TENM1: variants seen among roughly 807,000 people sequenced by gnomAD.
TENM1 encodes the protein teneurin transmembrane protein 1, also known as teneurin-1.
In TENM1, 35 loss-of-function variants were observed where a neutral mutation model predicts 174.8. The observed-to-expected ratio is 0.20, with a 90% confidence interval of 0.15 to 0.27. The LOEUF (loss-of-function observed/expected upper bound fraction) is 0.27, where lower values mean the gene tolerates loss of function less well. TENM1 is among the 10% of genes least tolerant of loss of function. The pLI, the probability that TENM1 is intolerant of heterozygous loss-of-function variation, is 1.00. For missense variants in TENM1, 1,633 were observed against 2,130.1 expected (o/e 0.77, Z 4.59); for synonymous variants, 781 against 798.7 (o/e 0.98, Z 0.37).
intron 3 of TENM1, among the ~76,000 whole-genome samples, chrX:124,880,234 G>A (rs2057280098): frequency 9.0e-6 from 1 of 111,593 alleles, no homozygotes; most frequent in African/African-American, 3.3e-5. Context: ...TTTCTTGGTA[G>A]TGGTCTTTCA....
At chrX:124,759,775 A>G (rs1217364568) in intron 3 of TENM1, among the ~76,000 whole-genome samples, 3 of 112,171 alleles carry the variant, frequency 2.7e-5, no homozygotes, top group Non-Finnish European at 5.6e-5. Flanking sequence ...ATATACATCC[A>G]TATTTCTAAA....
intron 14 of TENM1, among the ~76,000 whole-genome samples, chrX:124,547,413 TTTC>T (rs1413302650): frequency 8.9e-6 from 1 of 112,205 alleles, no homozygotes; most frequent in Non-Finnish European, 1.9e-5. Flanking sequence ...TGTTTAGAAA[TTTC>T]TTCTTCCTCA....
At chrX:124,695,433 G>C (rs990688883) in intron 5 of TENM1, among the ~76,000 whole-genome samples, 1 of 110,878 alleles carries the variant, frequency 9.0e-6, no homozygotes, top group African/African-American at 3.3e-5. Flanking sequence ...CCTGATTTGG[G>C]GAGGGAAACG....
chrX:124,482,137 G>T (rs1416098661), intron 21 of TENM1, among the ~76,000 whole-genome samples, 173 bp from the exon 25 acceptor site: 4 of 110,536 alleles, frequency 3.6e-5, no homozygotes, highest in Non-Finnish European at 7.6e-5. Context: ...GTGGGTCTAG[G>T]TATGAAACAA....
chrX:124,978,974 T>C, the TENM1 span, among the ~76,000 whole-genome samples: 1 of 112,153 alleles, frequency 8.9e-6, no homozygotes, highest in Non-Finnish European at 1.9e-5. Flanking sequence ...GCAGAACTGC[T>C]AGCCTTCCCC....
chrX:124,394,491 C>T (rs1483091821), intron 27 of TENM1, among the ~76,000 whole-genome samples: 1 of 112,044 alleles, frequency 8.9e-6, no homozygotes, highest in African/African-American at 3.2e-5. Flanking sequence ...GGCTGCAAAG[C>T]TAATGCTCTC....
At chrX:124,592,147 A>C (rs1017275506) in intron 11 of TENM1, among the ~76,000 whole-genome samples, 1 of 111,654 alleles carries the variant, frequency 9.0e-6, no homozygotes, top group Non-Finnish European at 1.9e-5. Context: ...ATTGCTTTAG[A>C]AGTTTCTTTG....
At chrX:124,750,929 T>C (rs759529653) in intron 3 of TENM1, among the ~76,000 whole-genome samples, 10 of 112,724 alleles carry the variant, frequency 8.9e-5, no homozygotes, top group Non-Finnish European at 1.7e-4. Context: ...TGGGTTATTT[T>C]ATTTGTAAGT....
At chrX:125,081,926 G>A in the TENM1 span, among the ~76,000 whole-genome samples, 66 of 110,742 alleles carry the variant, frequency 6.0e-4, no homozygotes, top group Non-Finnish European at 1.1e-3. Flanking sequence ...CTCATAAGTG[G>A]GAGCTAAACA....
At chrX:124,637,526 TC>T (rs762433624) in intron 11 of TENM1, among the ~76,000 whole-genome samples, 249 of 111,536 alleles carry the variant, frequency 2.2e-3, no homozygotes, top group African/African-American at 7.8e-3. Context: ...AATGGTAATC[TC>T]CAAGTCATTT....
At chrX:124,653,315 T>G (rs2051358847) in intron 7 of TENM1, among the ~76,000 whole-genome samples, 1 of 111,728 alleles carries the variant, frequency 9.0e-6, no homozygotes, top group Non-Finnish European at 1.9e-5. Context: ...GGGAAGCTCA[T>G]GAACAGCCGG....
chrX:124,697,966 A>G (rs1211444867), intron 5 of TENM1, among the ~76,000 whole-genome samples: 1 of 111,718 alleles, frequency 9.0e-6, no homozygotes, highest in East Asian at 2.8e-4. Context: ...GTATTATGAA[A>G]ATAGTTTTAC....
chrX:124,425,890 G>A lies in TENM1; in HGVS notation c.4105-3252C>T, dbSNP rs185149271. 2.7e-3 allele frequency among the ~76,000 whole-genome samples: 305 copies of A among 111,210 alleles called. 1 individual carries two copies. Among genetic ancestry groups the A allele is most frequent in the African/African-American group, 9.3e-3 (283 of 30,580 alleles). ...GCAGGCATTTAGGGGGCTCCTGCAC[G>A]GGCCCAAGTTAGGGATTATGGTGCC... On this transcript the variant is annotated intron_variant, in intron 23 of 31. Transcript: ENST00000422452.
chrX:124,884,427 T>C (rs2057351279), intron 3 of TENM1, among the ~76,000 whole-genome samples: 1 of 110,776 alleles, frequency 9.0e-6, no homozygotes, highest in African/African-American at 3.3e-5. Flanking sequence ...TCTGGAGCAA[T>C]GCCGTCACAT....
At chrX:125,182,457 G>A in the TENM1 span, among the ~76,000 whole-genome samples, 4 of 91,044 alleles carry the variant, frequency 4.4e-5, no homozygotes, top group African/African-American at 1.1e-4. Context: ...GGCGGGCGGG[G>A]GGGGGGGCAT....
chrX:124,513,313 A>G (rs913269967), intron 18 of TENM1, among the ~76,000 whole-genome samples: 4 of 110,997 alleles, frequency 3.6e-5, no homozygotes, highest in African/African-American at 1.3e-4. Flanking sequence ...CCTTTCTTCC[A>G]TAGTTATATC....
At chrX:125,081,833 T>C in the TENM1 span, among the ~76,000 whole-genome samples, 1,574 of 111,272 alleles carry the variant, frequency 0.014, 14 homozygotes, top group Middle Eastern at 0.028. Flanking sequence ...GAATCTTGTT[T>C]TTTGCAGCAA....
At chrX:125,055,267 G>C in the TENM1 span, among the ~76,000 whole-genome samples, 2 of 111,562 alleles carry the variant, frequency 1.8e-5, no homozygotes, top group South Asian at 7.5e-4. Flanking sequence ...CACAGAATTT[G>C]GGTAACTTGC....
chrX:125,121,792 C>T, the TENM1 span, among the ~76,000 whole-genome samples: 1 of 112,314 alleles, frequency 8.9e-6, no homozygotes, highest in Admixed American at 9.5e-5. Context: ...ATGGGTAAGG[C>T]CGGATGTGGT....
Sources: allele counts gnomAD v4.1 joint callset (sites outside exome capture counted in the v4.1 genomes callset), GRCh38; gene constraint gnomAD v4.1.1; transcripts MANE v1.5; gene names NCBI Gene and HGNC (gene_info 2026-07-23, HGNC 2026-07-21).